MEAK7: variants seen among roughly 807,000 people sequenced by gnomAD.
MEAK7 encodes the protein MTOR-associated protein MEAK7.
A neutral mutation model predicts 40.5 loss-of-function variants in MEAK7; 68 were observed. That is an observed-to-expected ratio of 1.68 (90% CI 1.38 to 2.06). The LOEUF (loss-of-function observed/expected upper bound fraction) is 2.06. Among genes scored for constraint, MEAK7 ranks in the 30% most tolerant of loss-of-function variants. The probability of loss-of-function intolerance (pLI) is 0.00; values close to 1 mark genes in which losing one functional copy is unlikely to be tolerated. For missense variants in MEAK7, 918 were observed against 580.5 expected (o/e 1.58, Z -5.98); for synonymous variants, 338 against 231.9 (o/e 1.46, Z -4.16).
In MEAK7 at chr16:84,495,674, C is replaced by T. The variant is rs565242328; in HGVS notation, c.384+9G>A. 3.1e-6 allele frequency: 5 copies of T among 1,613,918 alleles called. No homozygotes were observed. Among genetic ancestry groups the T allele is most frequent in the African/African-American group, 1.3e-5 (1 of 74,924 alleles). On this transcript the variant is annotated intron_variant, in intron 3 of 7. Transcript: ENST00000343629. ...GAGGAGGCTGCAAAGGACCTCGCGGCCTCACTACCTTTTGGACTTCTCTGG... is the reference window on the plus strand; with the variant it reads ...GAGGAGGCTGCAAAGGACCTCGCGGTCTCACTACCTTTTGGACTTCTCTGG...
intron 4 of MEAK7, 35 bp from the exon 5 acceptor site, chr16:84,487,094 G>A: frequency 1.3e-6 from 2 of 1,572,926 alleles, no homozygotes; most frequent in African/African-American, 1.4e-5. Context: ...TAGTGGGGCT[G>A]TTATGTCACC....
In MEAK7 at chr16:84,479,817, T is replaced by C. The variant is rs557706141; in HGVS notation, c.*96A>G. 2 of 915,120 alleles carry C rather than the reference T, an allele frequency of 2.2e-6. No homozygotes were observed. The highest frequency in any genetic ancestry group is 2.8e-5 in the East Asian group (1 of 35,922). 56.7% of individuals were successfully genotyped at this position (915,120 alleles called of 1,614,324 possible). On this transcript the variant is annotated 3_prime_UTR_variant, in exon 8 of 8. Transcript: ENST00000343629. ...GGCTGTGACCCGTGCGGTACGCTATTACAGTTAAACCATGTGGGAGGGAAG... is the reference window on the plus strand; with the variant it reads ...GGCTGTGACCCGTGCGGTACGCTATCACAGTTAAACCATGTGGGAGGGAAG...
intron 3 of MEAK7, 61 bp from the exon 4 acceptor site, chr16:84,489,483 G>C: frequency 6.6e-7 from 1 of 1,514,030 alleles, no homozygotes; most frequent in Non-Finnish European, 8.9e-7. Flanking sequence ...CCTATGTCAT[G>C]CCCACATGGA....
chr16:84,492,303 T>A (rs1452861908), intron 3 of MEAK7, among the ~76,000 whole-genome samples: 2 of 152,150 alleles, frequency 1.3e-5, no homozygotes, highest in East Asian at 1.9e-4. Flanking sequence ...ATTTAAAGAA[T>A]TATAAAAGGT....
chr16:84,488,833 A>C (rs924439662), intron 4 of MEAK7, among the ~76,000 whole-genome samples: 2 of 152,230 alleles, frequency 1.3e-5, no homozygotes, highest in African/African-American at 4.8e-5. Flanking sequence ...CTTATTTGAA[A>C]AAGAAGATCT....
At chr16:84,491,487 T>A (rs1913597240) in intron 3 of MEAK7, among the ~76,000 whole-genome samples, 1 of 148,210 alleles carries the variant, frequency 6.7e-6, no homozygotes, top group Admixed American at 6.8e-5. Flanking sequence ...TGTAGTGAGC[T>A]GAGGTTGTGC....
intron 1 of MEAK7, among the ~76,000 whole-genome samples, chr16:84,503,660 G>A (rs189339162): frequency 4.4e-4 from 67 of 152,240 alleles, no homozygotes; most frequent in Admixed American, 7.8e-4. Flanking sequence ...ACAGAATAAT[G>A]GGCCCAAGAC....
chr16:84,484,416 A>C (rs1039881466), intron 5 of MEAK7, among the ~76,000 whole-genome samples: 1 of 152,242 alleles, frequency 6.6e-6, no homozygotes, highest in Non-Finnish European at 1.5e-5. Flanking sequence ...TGAGGAGCTG[A>C]GGCCCAGAAA....
rs1269828385 is a variant in MEAK7 at position 84,486,981 on chromosome 16, AC to A, written c.607del (p.Val203SerfsTer8). 6.2e-7 allele frequency: 1 copy of A among 1,613,962 alleles called. No individual in the cohort carries two copies. Among genetic ancestry groups the A allele is most frequent in the African/African-American group, 1.3e-5 (1 of 74,894 alleles). On this transcript the variant is annotated frameshift_variant, in exon 5 of 8. Transcript: ENST00000343629. LOFTEE classifies it high-confidence loss of function. ...ACTCAGGAATATGGCCACATGGGGG[AC>A]CCTGAACACCCAGTCCTCGATCACA... ...RAVIEDWVFR[V>X]PHVAIFLSVV...
At position 84,487,014 on chromosome 16, in the gene MEAK7, T is replaced by C; in HGVS notation, c.575A>G (p.Asp192Gly). Residue 192 changes from aspartate (D) to glycine (G), a missense_variant, in exon 5 of 8, where the codon GAC becomes GGC. Coordinates refer to ENST00000343629, the MANE Select transcript of MEAK7 (RefSeq NM_020947.4). The stretch of plus-strand genomic sequence containing the variant: ...CACCCAGTCCTCGATCACAGCTCGG[T>C]CACAGTCATAGTCCAGCCACTGGGG... ...LGPQWLDYDCDRAVIEDWVFR... is the reference protein window; with the variant it reads ...LGPQWLDYDCGRAVIEDWVFR... 1 of 1,613,996 alleles carries C rather than the reference T, an allele frequency of 6.2e-7. No homozygotes were observed. Among genetic ancestry groups the C allele is most frequent in the Non-Finnish European group, 8.5e-7 (1 of 1,179,954 alleles).
At chr16:84,480,418 T>G in intron 7 of MEAK7, 111 bp downstream of exon 7, 1 of 1,288,388 alleles carries the variant, frequency 7.8e-7, no homozygotes, top group Non-Finnish European at 1.1e-6. Flanking sequence ...AGGATCAAAT[T>G]TGGGATAAAC....
chr16:84,484,371 G>T (rs1421331408), intron 5 of MEAK7, among the ~76,000 whole-genome samples: 2 of 152,316 alleles, frequency 1.3e-5, no homozygotes, highest in East Asian at 3.9e-4. Flanking sequence ...CCGCCGAGGA[G>T]CTGCCTGCCC....
At chr16:84,481,727 A>T (rs1209505211) in intron 6 of MEAK7, among the ~76,000 whole-genome samples, 1 of 152,040 alleles carries the variant, frequency 6.6e-6, no homozygotes. Context: ...AGGTCAGGAG[A>T]TGGAGACCAT....
rs914009286 is a variant in MEAK7, at chr16:84,497,786, G to C, written c.153+148C>G. ...CGCATAGCTCACAAAGCCAAAACTA[G>C]GTCACATCTGGCCCTTTACAGAAAA... is the stretch of plus-strand genomic sequence containing the variant. On this transcript the variant is annotated intron_variant, in intron 2 of 7. Coordinates refer to ENST00000343629, the MANE Select transcript of MEAK7 (RefSeq NM_020947.4). 6 of 1,315,358 alleles carry C rather than the reference G, an allele frequency of 4.6e-6. No individual in the cohort carries two copies. The East Asian group carries it at 7.1e-5, about 16-fold the overall frequency. 81.5% of individuals were successfully genotyped at this position (1,315,358 alleles called of 1,614,324 possible). A position where few individuals can be genotyped will look rare whatever the true frequency, so the allele number is the denominator to read the frequency against.
chr16:84,487,084 T>C (rs1238676596), intron 4 of MEAK7, 25 bp from the exon 5 acceptor site: 1 of 1,590,022 alleles, frequency 6.3e-7, no homozygotes, highest in Non-Finnish European at 8.6e-7. Context: ...TGGTCAGCAT[T>C]AGTGGGGCTG....
At chr16:84,487,085 A>C in intron 4 of MEAK7, 26 bp from the exon 5 acceptor site, 1 of 1,589,252 alleles carries the variant, frequency 6.3e-7, no homozygotes, top group South Asian at 1.2e-5. Flanking sequence ...GGTCAGCATT[A>C]GTGGGGCTGT....
intron 6 of MEAK7, among the ~76,000 whole-genome samples, chr16:84,482,062 G>A (rs1597921830): frequency 2.6e-5 from 4 of 152,186 alleles, no homozygotes; most frequent in Admixed American, 2.0e-4. Flanking sequence ...GGCCTGCCTG[G>A]ACCCGTGCCC....
intron 3 of MEAK7, among the ~76,000 whole-genome samples, chr16:84,491,126 T>C (rs1913560289): frequency 6.6e-6 from 1 of 152,162 alleles, no homozygotes; most frequent in South Asian, 2.1e-4. Flanking sequence ...GGGAGACAAT[T>C]CAAATTATTT....
intron 7 of MEAK7, among the ~76,000 whole-genome samples, chr16:84,480,250 C>A (rs1912406765): frequency 6.6e-6 from 1 of 152,136 alleles, no homozygotes; most frequent in South Asian, 2.1e-4. Flanking sequence ...GAACCCTAGA[C>A]ATTCCTCCTC....
Sources: allele counts gnomAD v4.1 joint callset (sites outside exome capture counted in the v4.1 genomes callset), GRCh38; gene constraint gnomAD v4.1.1; transcripts MANE v1.5; gene names NCBI Gene and HGNC (gene_info 2026-07-23, HGNC 2026-07-21).